The following PREX1 variants were observed in gnomAD, a reference collection of about 807,000 sequenced individuals.
The protein encoded by PREX1 is phosphatidylinositol-3,4,5-trisphosphate dependent Rac exchange factor 1.
A neutral mutation model predicts 198.3 loss-of-function variants in PREX1; 41 were observed. The ratio of observed to expected loss-of-function variants is 0.21; its 90% CI spans 0.16 to 0.27. The LOEUF (loss-of-function observed/expected upper bound fraction) is 0.27, where lower values mean the gene tolerates loss of function less well. Among genes scored for constraint, PREX1 ranks in the 10% least tolerant of loss-of-function variants. The probability of loss-of-function intolerance (pLI) is 1.00; values close to 1 mark genes in which losing one functional copy is unlikely to be tolerated. For missense variants in PREX1, 1,620 were observed against 2,200.7 expected (o/e 0.74, Z 5.28); for synonymous variants, 843 against 887.2 (o/e 0.95, Z 0.89).
intron 33 of PREX1, 99 bp downstream of exon 33, chr20:48,634,577 T>TGGCCCAGAGGCAGGGGAAGGACAGGGTG: frequency 8.1e-7 from 1 of 1,241,300 alleles, no homozygotes; most frequent in Non-Finnish European, 1.2e-6. Flanking sequence ...CTTGGGCAGC[T>TGGCCCAGAGGCAGGGGAAGGACAGGGTG]GGCCCAGAGG....
At chr20:48,850,902 C>G in the PREX1 span, among the ~76,000 whole-genome samples, 1 of 152,190 alleles carries the variant, frequency 6.6e-6, no homozygotes, top group African/African-American at 2.4e-5. Context: ...AAATCCAGCC[C>G]CCCGCCCCCT....
intron 1 of PREX1, among the ~76,000 whole-genome samples, chr20:48,781,825 C>T (rs1468372118): frequency 6.6e-6 from 1 of 152,190 alleles, no homozygotes; most frequent in African/African-American, 2.4e-5. Flanking sequence ...TTTGCATGCC[C>T]TCATGACCCA....
intron 32 of PREX1, 37 bp from the exon 33 acceptor site, chr20:48,634,812 C>T: frequency 2.6e-6 from 4 of 1,567,982 alleles, no homozygotes; most frequent in Middle Eastern, 3.3e-4. Context: ...GTCTCAGATG[C>T]CAACCCTGCC....
Position 48,660,037 on chromosome 20 carries a change from T to G in PREX1, c.1763A>C (p.Asp588Ala). ...ATGAAAGCGGAAGTACTGGGACTCATCCCTGAACTCGCTCTTCTCCAGCAC... is the reference window on the plus strand; with the variant it reads ...ATGAAAGCGGAAGTACTGGGACTCAGCCCTGAACTCGCTCTTCTCCAGCAC... ...HHVLEKSEFR[D>A]ESQYFRFHAD... The change falls in exon 16 of 40, where the codon GAT becomes GCT. Residue 588 changes from aspartate (D) to alanine (A), a missense_variant. Physicochemically the swap from Asp to Ala is moderately radical, Grantham distance 126. This residue lies in a region of PREX1 where 488 missense variants were observed against 802.5 expected (regional missense o/e 0.61). Transcript: ENST00000371941. 6.2e-7 allele frequency: 1 copy of G among 1,614,180 alleles called. No individual in the cohort carries two copies. The highest frequency in any genetic ancestry group is 8.5e-7 in the Non-Finnish European group (1 of 1,180,036).
In PREX1 at chr20:48,827,738, C is replaced by T. The variant is rs547839586; in HGVS notation, c.123G>A (p.Arg41=). The part of the protein sequence containing the change: ...SSGPGPCAAA[R]ESERQLRLRL... ...GGAGGCGCAGCTGGCGCTCGGACTC[C>T]CGGGCGGCCGCGCACGGGCCGGGGC... The change falls in exon 1 of 40, where the codon CGG becomes CGA. Residue 41 remains arginine, a synonymous_variant. Coordinates refer to ENST00000371941, the MANE Select transcript of PREX1 (RefSeq NM_020820.4). The surrounding 1 kb of genome is among the most constrained non-coding windows in gnomAD (Gnocchi z 4.1). The T allele has an allele frequency of 1.4e-5, 18 of 1,314,548 alleles. No homozygotes were observed. The South Asian group carries it at 2.4e-4, about 18-fold the overall frequency. 81.4% of individuals were successfully genotyped at this position (1,314,548 alleles called of 1,614,324 possible).
rs1182547961 is a variant in PREX1, at chr20:48,624,778, C to T, written c.*1107G>A. ...CATCAAGAAAATAAATCACAGAAGC[C>T]ACCGCCCGGTGTTTCCCAGTGACCC... On this transcript the variant is annotated 3_prime_UTR_variant, in exon 40 of 40. Coordinates refer to ENST00000371941, the MANE Select transcript of PREX1 (RefSeq NM_020820.4). The T allele has an allele frequency of 6.6e-6, 1 of 152,244 alleles. No individual in the cohort carries two copies. The highest frequency in any genetic ancestry group is 1.5e-5 in the Non-Finnish European group (1 of 68,062). The allele number at this position is 152,244 out of a possible 1,614,324, so 9.4% of individuals were successfully genotyped here. A position where few individuals can be genotyped will look rare whatever the true frequency, so the allele number is the denominator to read the frequency against.
At chr20:48,858,966 G>A in the PREX1 span, among the ~76,000 whole-genome samples, 2 of 152,068 alleles carry the variant, frequency 1.3e-5, no homozygotes, top group Non-Finnish European at 2.9e-5. Context: ...TGGAATCATA[G>A]CTCACTGCAA....
intron 1 of PREX1, chr20:48,822,101 T>C (rs895741194): frequency 7.9e-5 from 12 of 151,900 alleles, no homozygotes; most frequent in Admixed American, 3.3e-4. Context: ...TGCCATACAT[T>C]AAAAAAAATG....
the PREX1 span, among the ~76,000 whole-genome samples, chr20:48,836,993 C>A: frequency 6.6e-6 from 1 of 151,510 alleles, no homozygotes; most frequent in African/African-American, 2.4e-5. Flanking sequence ...CCCCAAACTG[C>A]TAGAAAAAGT....
intron 1 of PREX1, among the ~76,000 whole-genome samples, chr20:48,775,629 T>C (rs2090257474): frequency 6.6e-6 from 1 of 152,096 alleles, no homozygotes; most frequent in African/African-American, 2.4e-5. Context: ...ATGGGAGGGA[T>C]GCAATGGGAG....
intron 5 of PREX1, among the ~76,000 whole-genome samples, chr20:48,714,949 G>C (rs938283852): frequency 1.3e-5 from 2 of 152,188 alleles, no homozygotes; most frequent in Non-Finnish European, 2.9e-5. Flanking sequence ...AAGCCAACGA[G>C]AGCTTGAGCG....
At chr20:48,754,275 A>G (rs1303847045) in intron 1 of PREX1, among the ~76,000 whole-genome samples, 6 of 152,218 alleles carry the variant, frequency 3.9e-5, no homozygotes, top group African/African-American at 1.4e-4. Context: ...TCCATTCTAC[A>G]GAAGAGCCTA....
At chr20:48,686,460 A>G (rs542045969) in intron 10 of PREX1, among the ~76,000 whole-genome samples, 4 of 152,244 alleles carry the variant, frequency 2.6e-5, no homozygotes, top group African/African-American at 9.6e-5. Flanking sequence ...AATCTCTCTA[A>G]TCCTTCCTGA....
At chr20:48,737,235 AAAAAAAAAAG>A (rs2090060852) in intron 3 of PREX1, among the ~76,000 whole-genome samples, 1 of 150,430 alleles carries the variant, frequency 6.6e-6, no homozygotes, top group Non-Finnish European at 1.5e-5. Context: ...AAAAAAAAAA[AAAAAAAAAAG>A]ACAGGCAGAG....
intron 10 of PREX1, among the ~76,000 whole-genome samples, chr20:48,685,129 T>A (rs949756517): frequency 1.3e-5 from 2 of 152,220 alleles, no homozygotes; most frequent in African/African-American, 4.8e-5. Context: ...CCCCACTGGA[T>A]GCTTACCTCT....
At chr20:48,722,845 G>T (rs1281268308) in intron 5 of PREX1, among the ~76,000 whole-genome samples, 1 of 152,238 alleles carries the variant, frequency 6.6e-6, no homozygotes, top group African/African-American at 2.4e-5. Context: ...CAAGGGGCAG[G>T]GCCCGGGTCT....
At chr20:48,703,252 C>A (rs554539430) in intron 6 of PREX1, among the ~76,000 whole-genome samples, 1 of 152,346 alleles carries the variant, frequency 6.6e-6, no homozygotes, top group Admixed American at 6.5e-5. Flanking sequence ...GTGCCAGAGA[C>A]CCCTCTGGAG....
chr20:48,824,319 G>T (rs34381905), intron 1 of PREX1, among the ~76,000 whole-genome samples: 18,283 of 152,170 alleles, frequency 0.12, 1,396 homozygotes, highest in Non-Finnish European at 0.16. Context: ...GATTCTCAAG[G>T]AACCACAAAG....
chr20:48,805,925 C>A (rs1490873647), intron 1 of PREX1, among the ~76,000 whole-genome samples: 3 of 152,212 alleles, frequency 2.0e-5, no homozygotes, highest in African/African-American at 7.2e-5. Context: ...TCATCACTGC[C>A]GCCAAAGCAG....
Sources: allele counts gnomAD v4.1 joint callset (sites outside exome capture counted in the v4.1 genomes callset), GRCh38; gene constraint gnomAD v4.1.1; regional missense constraint gnomAD v4.1.1; non-coding constraint Gnocchi (gnomAD v3.1); transcripts MANE v1.5; gene names NCBI Gene and HGNC (gene_info 2026-07-23, HGNC 2026-07-21).